EPS15L1: variants seen among roughly 807,000 people sequenced by gnomAD.
EPS15L1 encodes epidermal growth factor receptor substrate 15-like 1.
EPS15L1 carries 43 observed loss-of-function variants against 117.1 expected under a neutral mutation model. The ratio of observed to expected loss-of-function variants is 0.37; its 90% CI spans 0.29 to 0.47. The LOEUF is 0.47. Ranked by LOEUF, EPS15L1 falls within the 20% of genes least tolerant of loss-of-function variation. The pLI is 0.99. For synonymous variants in EPS15L1, 459 were observed against 470.5 expected (o/e 0.98, Z 0.32); for missense variants, 981 against 1,164.0 (o/e 0.84, Z 2.29).
At chr19:16,412,972 T>G in intron 13 of EPS15L1, 1 of 670,480 alleles carries the variant, frequency 1.5e-6, no homozygotes, top group Non-Finnish European at 2.8e-6. Context: ...GAATCTGAGA[T>G]CATTGACTTT....
intron 7 of EPS15L1, among the ~76,000 whole-genome samples, chr19:16,432,587 T>TAAATAAATAAATTACAAATAC (rs1555761368): frequency 6.9e-6 from 1 of 145,360 alleles, no homozygotes; most frequent in Non-Finnish European, 1.5e-5. Context: ...AATAAATAAA[T>TAAATAAATAAATTACAAATAC]AAATACAAAT....
chr19:16,379,197 C>T (rs1488243948), intron 21 of EPS15L1, among the ~76,000 whole-genome samples: 2 of 151,920 alleles, frequency 1.3e-5, no homozygotes, highest in Non-Finnish European at 2.9e-5. Context: ...CCCAACTACT[C>T]GGGAGGCTGA....
intron 13 of EPS15L1, chr19:16,413,270 G>A (rs1174014028): frequency 1.5e-6 from 1 of 650,876 alleles, no homozygotes; most frequent in Admixed American, 2.2e-5. Flanking sequence ...ACTCTGTGCT[G>A]GTGTAACTCA....
chr19:16,437,335 T>C lies in EPS15L1; in HGVS notation c.310-336A>G, dbSNP rs187483779. Among the ~76,000 whole-genome samples the C allele has an allele frequency of 4.6e-5, 7 of 152,318 alleles. No homozygotes were observed. In the East Asian group the frequency reaches 1.2e-3, roughly 25 times the overall value. ...ATGGAATATGGAAACACTGATCCAT[T>C]CTACAACATGGATGAACCCTGAAAA... On this transcript the variant is annotated intron_variant, in intron 5 of 23. Coordinates refer to ENST00000455140, the MANE Select transcript of EPS15L1 (RefSeq NM_001258374.3).
At position 16,441,886 on chromosome 19, in the gene EPS15L1, A is replaced by G; in HGVS notation, c.165+6T>C. 1 of 1,609,766 alleles carries G rather than the reference A, an allele frequency of 6.2e-7. No individual in the cohort carries two copies. On this transcript the variant is annotated splice_donor_region_variant and intron_variant, in intron 3 of 23. Coordinates refer to ENST00000455140, the MANE Select transcript of EPS15L1 (RefSeq NM_001258374.3). Reference sequence around the variant, plus strand: ...AGAAGAGAAATCACTATTCATCTTCACATACCTTCCCAAGGATAATGTCCG... The same window carrying G: ...AGAAGAGAAATCACTATTCATCTTCGCATACCTTCCCAAGGATAATGTCCG...
At chr19:16,368,483 C>CA (rs2092171347) in intron 22 of EPS15L1, among the ~76,000 whole-genome samples, 1 of 152,144 alleles carries the variant, frequency 6.6e-6, no homozygotes, top group Non-Finnish European at 1.5e-5. Context: ...CTGCAGAACA[C>CA]AGACACCCAC....
At chr19:16,463,989 C>T (rs910639693) in intron 1 of EPS15L1, among the ~76,000 whole-genome samples, 4 of 152,234 alleles carry the variant, frequency 2.6e-5, no homozygotes, top group African/African-American at 9.6e-5. Context: ...GGCCACAGAG[C>T]AGAGGGAATG....
At chr19:16,433,934 G>A (rs1435311331) in intron 7 of EPS15L1, among the ~76,000 whole-genome samples, 2 of 151,994 alleles carry the variant, frequency 1.3e-5, no homozygotes, top group Non-Finnish European at 2.9e-5. Flanking sequence ...CTGCACTCCA[G>A]CCTAGGCAAC....
At chr19:16,376,292 G>A (rs1304409750) in intron 22 of EPS15L1, among the ~76,000 whole-genome samples, 1 of 152,224 alleles carries the variant, frequency 6.6e-6, no homozygotes, top group Non-Finnish European at 1.5e-5. Context: ...TAGATAAATG[G>A]ATCAGGGAGC....
At chr19:16,382,116 C>T (rs1472259993) in intron 21 of EPS15L1, among the ~76,000 whole-genome samples, 2 of 152,230 alleles carry the variant, frequency 1.3e-5, no homozygotes, top group East Asian at 1.9e-4. Flanking sequence ...GGGGACACCT[C>T]GGGCCAAGCC....
At chr19:16,451,818 C>T (rs368035210) in intron 1 of EPS15L1, among the ~76,000 whole-genome samples, 6 of 149,706 alleles carry the variant, frequency 4.0e-5, no homozygotes, top group Non-Finnish European at 7.4e-5. Flanking sequence ...CGTGAGCCAC[C>T]GCGCCTGGCC....
intron 1 of EPS15L1, among the ~76,000 whole-genome samples, chr19:16,470,219 TAA>T (rs34482179): frequency 6.8e-6 from 1 of 147,994 alleles, no homozygotes; most frequent in Non-Finnish European, 1.5e-5. Context: ...CCGTCTCCAC[TAA>T]AAAAAAAATA....
intron 15 of EPS15L1, among the ~76,000 whole-genome samples, chr19:16,403,232 C>A (rs1176583460): frequency 2.0e-5 from 3 of 152,076 alleles, no homozygotes; most frequent in Non-Finnish European, 2.9e-5. Context: ...AAGCCAGCGC[C>A]CCCCCCTGGA....
At chr19:16,446,241 T>G (rs1333703770) in intron 1 of EPS15L1, among the ~76,000 whole-genome samples, 5 of 152,140 alleles carry the variant, frequency 3.3e-5, no homozygotes, top group African/African-American at 9.7e-5. Flanking sequence ...GGAGAAACTG[T>G]CTCAGGATTG....
intron 22 of EPS15L1, among the ~76,000 whole-genome samples, chr19:16,369,139 G>A (rs758682473): frequency 1.8e-4 from 28 of 152,196 alleles, no homozygotes; most frequent in Non-Finnish European, 3.4e-4. Context: ...CATGAGGGGA[G>A]TTTGTTTTTT....
chr19:16,410,161 A>C (rs2092694394), intron 13 of EPS15L1, among the ~76,000 whole-genome samples: 2 of 152,028 alleles, frequency 1.3e-5, no homozygotes, highest in Admixed American at 1.3e-4. Flanking sequence ...CAATTTAAAA[A>C]TCGGCAAGAA....
At chr19:16,398,361 A>C (rs944416711) in intron 16 of EPS15L1, among the ~76,000 whole-genome samples, 1 of 152,228 alleles carries the variant, frequency 6.6e-6, no homozygotes, top group African/African-American at 2.4e-5. Context: ...TAGACAAGTT[A>C]AGTACAGATG....
intron 13 of EPS15L1, chr19:16,412,709 G>C (rs1055213925): frequency 1.9e-5 from 2 of 103,332 alleles, no homozygotes; most frequent in East Asian, 3.3e-4. Flanking sequence ...GGTGCAGCGG[G>C]GGGTGGGGGG....
intron 16 of EPS15L1, chr19:16,401,979 G>A: frequency 3.7e-6 from 4 of 1,067,876 alleles, no homozygotes; most frequent in Non-Finnish European, 3.4e-6. Flanking sequence ...TCCACAATGA[G>A]CAGAAACTGA....
Sources: gnomAD v4.1 joint callset for allele counts (sites outside exome capture counted in the v4.1 genomes callset) on GRCh38, gnomAD v4.1.1 for gene constraint, MANE v1.5 for transcripts, NCBI Gene and HGNC (gene_info 2026-07-23, HGNC 2026-07-21) for gene names.